RBM19: variants seen among roughly 807,000 people sequenced by gnomAD.
RBM19 encodes probable RNA-binding protein 19.
RBM19 carries 94 observed loss-of-function variants against 116.8 expected under a neutral mutation model. The ratio of observed to expected loss-of-function variants is 0.80; its 90% confidence interval spans 0.68 to 0.95. The LOEUF (loss-of-function observed/expected upper bound fraction) is 0.95, where lower values mean the gene tolerates loss of function less well. Ranked by LOEUF, RBM19 falls within the 40% of genes least tolerant of loss-of-function variation. RBM19 has a pLI of 0.00. For missense variants in RBM19, 1,161 were observed against 1,220.7 expected (o/e 0.95, Z 0.73); for synonymous variants, 475 against 494.1 (o/e 0.96, Z 0.51).
chr12:113,833,900 T>C (rs949771632), intron 23 of RBM19, among the ~76,000 whole-genome samples: 3 of 152,082 alleles, frequency 2.0e-5, no homozygotes, highest in African/African-American at 4.8e-5. Flanking sequence ...TGTGCCACCA[T>C]GCCTGGCTAA....
At chr12:113,819,130 G>A (rs112668127), downstream of RBM19, among the ~76,000 whole-genome samples, 46 of 152,318 alleles carry the variant, frequency 3.0e-4, no homozygotes, top group Non-Finnish European at 5.4e-4. Context: ...GACCCACAGC[G>A]GGTGGGAGAC....
rs1566039401 is a variant in RBM19, at chr12:113,952,585, A to C, written c.927T>G (p.Asn309Lys). Reference sequence around the variant, plus strand: ...TCAGGGGTGCCAGGAATTCCATAACATTTTTCTGTGAGAAGAAGTTTTTTT... The same window carrying C: ...TCAGGGGTGCCAGGAATTCCATAACCTTTTTCTGTGAGAAGAAGTTTTTTT... ...RGAPFNVTEK[N>K]VMEFLAPLKP... The change falls in exon 8 of 24, where the codon AAT (asparagine) becomes AAG (lysine). Residue 309 changes from asparagine (N) to lysine (K), a missense_variant. Asn to Lys is a moderately conservative substitution (Grantham distance 94). Coordinates refer to ENST00000261741, the MANE Select transcript of RBM19 (RefSeq NM_016196.4). The C allele has an allele frequency of 6.2e-7, 1 of 1,613,732 alleles. No individual in the cohort carries two copies.
chr12:113,937,276 C>T, intron 15 of RBM19, 140 bp from the exon 16 acceptor site: 1 of 1,004,966 alleles, frequency 1.0e-6, no homozygotes, highest in Non-Finnish European at 1.4e-6. Context: ...AGGAGCCCAG[C>T]CCAGAGCCCT....
intron 7 of RBM19, among the ~76,000 whole-genome samples, chr12:113,953,951 C>T (rs1358141721): frequency 6.6e-6 from 1 of 152,246 alleles, no homozygotes; most frequent in African/African-American, 2.4e-5. Flanking sequence ...CAGACGAAGT[C>T]TGCTCACCCC....
chr12:113,948,836 A>T lies in RBM19; in HGVS notation c.1273T>A (p.Tyr425Asn). The T allele has an allele frequency of 6.2e-7, 1 of 1,614,110 alleles. No individual in the cohort carries two copies. The highest frequency in any genetic ancestry group is 8.5e-7 in the Non-Finnish European group (1 of 1,179,998). The change falls in exon 10 of 24, where the codon TAT (tyrosine) becomes AAT (asparagine). Residue 425 changes from tyrosine to asparagine, a missense_variant. Coordinates refer to ENST00000261741, the MANE Select transcript of RBM19 (RefSeq NM_016196.4). ...GGCCCGGAGGCCACACCCCTACCAT[A>T]TTTGGAGAAGAGCTTCTCCAGATCC... is the stretch of plus-strand genomic sequence containing the variant. ...EEDLEKLFSK[Y>N]GPLSELHYPI...
downstream of RBM19, among the ~76,000 whole-genome samples, chr12:113,821,488 C>T (rs561366323): frequency 3.3e-4 from 51 of 152,294 alleles, no homozygotes; most frequent in Non-Finnish European, 6.3e-4. Flanking sequence ...CCCTGTCATT[C>T]CGCATGACCT....
chr12:113,934,089 C>T (rs1165511686), intron 16 of RBM19, among the ~76,000 whole-genome samples: 1 of 152,166 alleles, frequency 6.6e-6, no homozygotes, highest in African/African-American at 2.4e-5. Context: ...GTAGCTGGGA[C>T]TACAAGGCAT....
chr12:113,956,777 C>G (rs1402499430), intron 6 of RBM19, among the ~76,000 whole-genome samples: 2 of 152,048 alleles, frequency 1.3e-5, no homozygotes, highest in Admixed American at 1.3e-4. Flanking sequence ...ACCCCACAGA[C>G]CTGGGGCTAA....
chr12:113,951,438 G>T (rs1433247051), intron 8 of RBM19, among the ~76,000 whole-genome samples: 3 of 152,084 alleles, frequency 2.0e-5, no homozygotes, highest in Non-Finnish European at 2.9e-5. Context: ...CAGCTTTCAT[G>T]GAGTGTGCAA....
At chr12:113,834,668 T>C (rs1335126037) in intron 23 of RBM19, among the ~76,000 whole-genome samples, 3 of 152,186 alleles carry the variant, frequency 2.0e-5, no homozygotes, top group Non-Finnish European at 4.4e-5. Context: ...CAACTGCTGC[T>C]GTAGCTGGAT....
intron 23 of RBM19, among the ~76,000 whole-genome samples, chr12:113,832,359 T>C (rs1875501544): frequency 6.6e-6 from 1 of 152,032 alleles, no homozygotes; most frequent in Non-Finnish European, 1.5e-5. Context: ...CTGGCTAATT[T>C]TTGTATTTTT....
At position 113,957,926 on chromosome 12, in the gene RBM19, TTCA is replaced by T; in HGVS notation, c.693_695del (p.Asp231del). 6.2e-7 allele frequency: 1 copy of T among 1,614,166 alleles called. No homozygotes were observed. The highest frequency in any genetic ancestry group is 1.7e-5 in the Admixed American group (1 of 60,022). On this transcript the variant is annotated inframe_deletion, in exon 6 of 24. Transcript: ENST00000261741. ...CACTCCCTTCATCACAGTGCACGGC[TTCA>T]TCTTCACTTTCCTCTTCCTCCGAGG...
rs775679875 is a variant in RBM19, at chr12:113,947,329, C to T, written c.1407+5G>A. On this transcript the variant is annotated splice_donor_5th_base_variant and intron_variant, in intron 11 of 23. Transcript: ENST00000261741. ...CCTCCTGGCCAGCCCAGGACGGGGC[C>T]TCACCTGGAATACCTGCCCGTCCAC... The T allele has an allele frequency of 4.4e-6, 7 of 1,590,120 alleles. No individual in the cohort carries two copies. The highest frequency in any genetic ancestry group is 6.0e-6 in the Non-Finnish European group (7 of 1,161,392).
chr12:113,888,136 GAC>G (rs1185839809), intron 21 of RBM19, among the ~76,000 whole-genome samples: 1 of 152,212 alleles, frequency 6.6e-6, no homozygotes, highest in Admixed American at 6.5e-5. Flanking sequence ...GCTGGAGAAA[GAC>G]AGCGAGAGAA....
At chr12:113,888,470 T>G (rs1346598221) in intron 21 of RBM19, among the ~76,000 whole-genome samples, 1 of 152,192 alleles carries the variant, frequency 6.6e-6, no homozygotes, top group African/African-American at 2.4e-5. Flanking sequence ...CACTCTTCAC[T>G]GTCCACATGA....
At chr12:113,934,589 G>A (rs1267218821) in intron 16 of RBM19, among the ~76,000 whole-genome samples, 1 of 152,172 alleles carries the variant, frequency 6.6e-6, no homozygotes, top group African/African-American at 2.4e-5. Flanking sequence ...ATGGGGTCTC[G>A]GCATGTGGAG....
chr12:113,840,710 C>T (rs1876392058), intron 23 of RBM19, among the ~76,000 whole-genome samples: 1 of 152,206 alleles, frequency 6.6e-6, no homozygotes, highest in African/African-American at 2.4e-5. Flanking sequence ...TTTGCTGCTG[C>T]CCTCTGGCAG....
intron 21 of RBM19, among the ~76,000 whole-genome samples, chr12:113,904,964 C>G (rs1402259891): frequency 6.6e-6 from 1 of 152,198 alleles, no homozygotes; most frequent in Non-Finnish European, 1.5e-5. Flanking sequence ...AAACATATTC[C>G]CAAACTGACC....
rs546921905 is a variant in RBM19, at chr12:113,929,248, G to C, written c.2069-2019C>G. ...GTCTGTCCTGCCCTTTCTGATGCAA[G>C]CCTAATGCTTTCAAGTCCTAATTAA... On this transcript the variant is annotated intron_variant, in intron 16 of 23. Coordinates refer to ENST00000261741, the MANE Select transcript of RBM19 (RefSeq NM_016196.4). Among the ~76,000 whole-genome samples, 7 of 152,286 alleles carry C rather than the reference G, an allele frequency of 4.6e-5. No homozygotes were observed. In the South Asian group the frequency reaches 1.2e-3, roughly 27 times the overall value.
Sources: allele counts gnomAD v4.1 joint callset (sites outside exome capture counted in the v4.1 genomes callset), GRCh38; gene constraint gnomAD v4.1.1; transcripts MANE v1.5; gene names NCBI Gene and HGNC (gene_info 2026-07-23, HGNC 2026-07-21).